GCN1: variants seen among roughly 807,000 people sequenced by gnomAD.
GCN1 encodes stalled ribosome sensor GCN1.
In GCN1, 90 loss-of-function variants were observed where a neutral mutation model predicts 288.4. The ratio of observed to expected loss-of-function variants is 0.31; its 90% CI spans 0.26 to 0.37. The LOEUF (loss-of-function observed/expected upper bound fraction) is 0.37. GCN1 is among the 10% of genes least tolerant of loss of function. The pLI, the probability that GCN1 is intolerant of heterozygous loss-of-function variation, is 1.00. For synonymous variants in GCN1, 1,386 were observed against 1,420.2 expected, an observed-to-expected ratio of 0.98 and a Z score of 0.54; for missense variants, 2,586 against 3,419.9, an observed-to-expected ratio of 0.76 and a Z score of 6.08.
Position 120,184,157 on chromosome 12 carries a change from T to C in GCN1, c.272A>G (p.His91Arg). 2 of 1,613,614 alleles carry C rather than the reference T, an allele frequency of 1.2e-6. No individual in the cohort carries two copies. The highest frequency in any genetic ancestry group is 1.7e-6 in the Non-Finnish European group (2 of 1,179,712). ...QPEATAKNLL[H>R]SLQSSGIGSK... is the part of the protein sequence containing the mutation. ...GCCTATACCAGAAGACTGCAGAGAGTGTAGAAGGTTCTTAGCAGTGGCTTC... is the reference window on the plus strand; with the variant it reads ...GCCTATACCAGAAGACTGCAGAGAGCGTAGAAGGTTCTTAGCAGTGGCTTC... The change falls in exon 4 of 58, where the codon CAC (histidine) becomes CGC (arginine). Residue 91 changes from histidine (H) to arginine (R), a missense_variant. This residue lies in a region of GCN1 where 913 missense variants were observed against 1,107.0 expected (regional missense o/e 0.82). Coordinates refer to ENST00000300648, the MANE Select transcript of GCN1 (RefSeq NM_006836.2).
chr12:120,174,257 T>C (rs1878401615), intron 12 of GCN1, 88 bp from the exon 13 acceptor site: 21 of 751,128 alleles, frequency 2.8e-5, no homozygotes, highest in South Asian at 2.8e-4. Flanking sequence ...GCACTCTGGG[T>C]CACAGACCTC....
intron 3 of GCN1, 37 bp downstream of exon 3, chr12:120,184,787 A>G: frequency 6.8e-7 from 1 of 1,470,140 alleles, no homozygotes; most frequent in Non-Finnish European, 9.5e-7. Context: ...TCTCTGTACA[A>G]AGTGCTCCAC....
chr12:120,127,237 A>G lies in GCN1; in HGVS notation c.*612T>C, dbSNP rs1199127141. On this transcript the variant is annotated 3_prime_UTR_variant, in exon 58 of 58. Coordinates refer to ENST00000300648, the MANE Select transcript of GCN1 (RefSeq NM_006836.2). ...CCTGATGCAGGAAGCTTCATGTTTA[A>G]TGGGTGGAGATTTTTAAAAATCTGT... 2.0e-5 allele frequency: 3 copies of G among 152,680 alleles called. No individual in the cohort carries two copies. The highest frequency in any genetic ancestry group is 2.0e-4 in the Admixed American group (3 of 15,270). 9.5% of individuals were successfully genotyped at this position (152,680 alleles called of 1,614,324 possible). A position where few individuals can be genotyped will look rare whatever the true frequency, so the allele number is the denominator to read the frequency against.
At position 120,158,988 on chromosome 12, in the gene GCN1, G is replaced by C. The variant is rs1365199544; in HGVS notation, c.2750-373C>G. ...GATGGCGCCACTGCACTCCAGCCTGGGTGACAGAGTAAGACTCCGTCTCAA... is the reference window on the plus strand; with the variant it reads ...GATGGCGCCACTGCACTCCAGCCTGCGTGACAGAGTAAGACTCCGTCTCAA... On this transcript the variant is annotated intron_variant, in intron 24 of 57. Transcript: ENST00000300648. The surrounding 1 kb of genome is among the most constrained non-coding windows in gnomAD (Gnocchi z 4.3). 6.6e-6 allele frequency among the ~76,000 whole-genome samples: 1 copy of C among 151,442 alleles called. No individual in the cohort carries two copies. The highest frequency in any genetic ancestry group is 1.5e-5 in the Non-Finnish European group (1 of 67,920).
rs747902700 is a variant in GCN1, at chr12:120,156,462, C to T, written c.3311G>A (p.Arg1104Gln). Reference sequence around the variant, plus strand: ...GTGGCTCTGAGACTGAGCACACACCCGGAGCACGGTTTCCCGCACGCTGGC... The same window carrying T: ...GTGGCTCTGAGACTGAGCACACACCTGGAGCACGGTTTCCCGCACGCTGGC... ...PCASVRETVL[R>Q]GLMELHMVLP... is the part of the protein sequence containing the mutation. The change falls in exon 28 of 58, where the codon CGG becomes CAG. Residue 1104 changes from arginine to glutamine, a missense_variant and splice_region_variant. Coordinates refer to ENST00000300648, the MANE Select transcript of GCN1 (RefSeq NM_006836.2). This position sits in a 1 kb window ranked among gnomAD's most constrained non-coding sequence, Gnocchi z 5.8. The T allele has an allele frequency of 5.8e-5, 93 of 1,613,456 alleles. No homozygotes were observed. The South Asian group carries it at 8.0e-4, about 14-fold the overall frequency.
chr12:120,163,598 A>AAGAGCAG (rs1417850741), intron 18 of GCN1, among the ~76,000 whole-genome samples: 2 of 152,296 alleles, frequency 1.3e-5, no homozygotes, highest in East Asian at 3.9e-4. Flanking sequence ...ACACGGCACA[A>AAGAGCAG]AGAGCACAGA....
At chr12:120,180,943 T>C (rs551778828) in intron 5 of GCN1, among the ~76,000 whole-genome samples, 2 of 151,238 alleles carry the variant, frequency 1.3e-5, no homozygotes, top group African/African-American at 2.4e-5. Flanking sequence ...TGAGCCGAGA[T>C]TGCGCCTCAC....
intron 5 of GCN1, among the ~76,000 whole-genome samples, chr12:120,182,934 CAAA>C (rs1056569798): frequency 1.1e-5 from 1 of 89,670 alleles, no homozygotes; most frequent in Non-Finnish European, 2.4e-5. Context: ...GACTCCGTCT[CAAA>C]AAAAAAAAAA....
At chr12:120,146,613 G>A (rs1877371469) in intron 38 of GCN1, among the ~76,000 whole-genome samples, 2 of 152,116 alleles carry the variant, frequency 1.3e-5, no homozygotes, top group Non-Finnish European at 2.9e-5. Flanking sequence ...GCCTCAGTAA[G>A]CAAAGCAGAG....
At chr12:120,160,354 A>G in intron 22 of GCN1, 99 bp from the exon 23 acceptor site, 1 of 814,148 alleles carries the variant, frequency 1.2e-6, no homozygotes, top group Non-Finnish European at 2.1e-6. Flanking sequence ...ACAGCACCAT[A>G]CCAGCTCTAA....
chr12:120,145,833 G>A (rs1421179251), intron 38 of GCN1, among the ~76,000 whole-genome samples: 1 of 152,168 alleles, frequency 6.6e-6, no homozygotes, highest in East Asian at 1.9e-4. Context: ...TATGACCAAT[G>A]ATAGAATTAT....
In GCN1 at chr12:120,149,950, A is replaced by G; in HGVS notation, c.4403T>C (p.Phe1468Ser). The G allele has an allele frequency of 6.2e-7, 1 of 1,614,140 alleles. No homozygotes were observed. The highest frequency in any genetic ancestry group is 8.5e-7 in the Non-Finnish European group (1 of 1,180,002). ...ACGCACATACTGGTTTCCATCCCCA[A>G]AGCACAGGAGCAGATGGGGCAGCAC... ...VHVLPHLLLC[F>S]GDGNQYVREA... is the part of the protein sequence containing the mutation. Residue 1468 changes from phenylalanine (F) to serine (S), a missense_variant, in exon 35 of 58, where the codon TTT becomes TCT. By Grantham distance (155) the Phe-to-Ser change is radical. Transcript: ENST00000300648.
At chr12:120,128,897 A>T (rs537090305) in intron 57 of GCN1, among the ~76,000 whole-genome samples, 2 of 129,710 alleles carry the variant, frequency 1.5e-5, no homozygotes, top group East Asian at 2.5e-4. Flanking sequence ...GCTGGAGTGC[A>T]GTGGCATGAT....
chr12:120,189,696 C>T (rs1029914477), intron 2 of GCN1, among the ~76,000 whole-genome samples: 10 of 152,120 alleles, frequency 6.6e-5, no homozygotes, highest in African/African-American at 2.2e-4. Context: ...AAGGCAATTT[C>T]AGCTGGGCCC....
rs113525921 is a variant in GCN1 at position 120,163,024 on chromosome 12, A to G, written c.2038+46T>C. ...CTTCTGCCTGGCCTGCTCTTACCCC[A>G]TCCCCTAAAGCTCTGGGCTCTCCCA... On this transcript the variant is annotated intron_variant, in intron 19 of 57. Transcript: ENST00000300648. The G allele has an allele frequency of 5.4e-4, 872 of 1,613,546 alleles. 6 individuals are homozygous for G. In the African/African-American group the frequency reaches 0.011, roughly 20 times the overall value.
Position 120,162,961 on chromosome 12 carries a change from C to T in GCN1, c.2049G>A (p.Gln683=), listed in dbSNP as rs1198384818. 6.2e-7 allele frequency: 1 copy of T among 1,614,238 alleles called. No individual in the cohort carries two copies. Among genetic ancestry groups the T allele is most frequent in the Non-Finnish European group, 8.5e-7 (1 of 1,180,034 alleles). The part of the protein sequence containing the change: ...ISHHPSLVAV[Q]SGLWPALLAR... ...CAAGAAGTGCTGGCCAAAGTCCAGA[C>T]TGCACGGCAACTGAAGGGGAAGGGA... Residue 683 remains glutamine (Q), a synonymous_variant, in exon 20 of 58, where the codon CAG becomes CAA. Coordinates refer to ENST00000300648, the MANE Select transcript of GCN1 (RefSeq NM_006836.2).
intron 2 of GCN1, among the ~76,000 whole-genome samples, chr12:120,186,126 G>A (rs1878813279): frequency 6.6e-6 from 1 of 152,018 alleles, no homozygotes; most frequent in Admixed American, 6.6e-5. Context: ...TTGAGGTCAG[G>A]TCAGGAGTTC....
chr12:120,161,359 G>A, intron 22 of GCN1, 131 bp downstream of exon 22: 2 of 673,342 alleles, frequency 3.0e-6, no homozygotes, highest in Admixed American at 4.6e-5. Flanking sequence ...ACACTGGTCA[G>A]GGGCATCAGA....
intron 16 of GCN1, among the ~76,000 whole-genome samples, chr12:120,165,882 C>G (rs1428152376): frequency 2.0e-5 from 3 of 151,930 alleles, no homozygotes; most frequent in African/African-American, 7.2e-5. Context: ...ACCTCCGCCT[C>G]TTGGGTTCAA....
Sources: allele counts gnomAD v4.1 joint callset (sites outside exome capture counted in the v4.1 genomes callset), GRCh38; gene constraint gnomAD v4.1.1; regional missense constraint gnomAD v4.1.1; non-coding constraint Gnocchi (gnomAD v3.1); transcripts MANE v1.5; gene names NCBI Gene and HGNC (gene_info 2026-07-23, HGNC 2026-07-21).